MBNL2: variants seen among roughly 807,000 people sequenced by gnomAD.
The protein encoded by MBNL2 is muscleblind-like protein 2.
MBNL2 carries 17 observed loss-of-function variants against 41.9 expected under a neutral mutation model. The observed-to-expected ratio is 0.41, with a 90% CI of 0.28 to 0.61. MBNL2 has a LOEUF of 0.61. Among genes scored for constraint, MBNL2 ranks in the 20% least tolerant of loss-of-function variants. MBNL2 has a pLI of 0.35. For synonymous variants in MBNL2, 195 were observed against 182.9 expected, an observed-to-expected ratio of 1.07 and a Z score of -0.53; for missense variants, 336 against 505.6, an observed-to-expected ratio of 0.66 and a Z score of 3.22.
At chr13:97,230,212 C>G (rs1192121245) in intron 1 of MBNL2, among the ~76,000 whole-genome samples, 1 of 152,176 alleles carries the variant, frequency 6.6e-6, no homozygotes. Context: ...TCAAGGTAAT[C>G]CCTTGAACCC....
intron 2 of MBNL2, among the ~76,000 whole-genome samples, chr13:97,329,560 T>C (rs17235649): frequency 0.48 from 49,381 of 103,752 alleles, 10,366 homozygotes; most frequent in African/African-American, 0.67. Flanking sequence ...TGCCCCTAGA[T>C]GGGACATTCT....
intron 2 of MBNL2, among the ~76,000 whole-genome samples, chr13:97,314,490 G>C (rs1426968636): frequency 6.6e-6 from 1 of 152,126 alleles, no homozygotes; most frequent in East Asian, 1.9e-4. Flanking sequence ...AGGGACTTTT[G>C]CCTGTTGTGC....
At chr13:97,387,930 C>T (rs1416515009) in intron 8 of MBNL2, among the ~76,000 whole-genome samples, 2 of 152,122 alleles carry the variant, frequency 1.3e-5, no homozygotes, top group East Asian at 1.9e-4. Context: ...CTCTGACTTA[C>T]GCATACCCTG....
the MBNL2 span, among the ~76,000 whole-genome samples, chr13:97,191,367 T>C: frequency 6.7e-6 from 1 of 149,722 alleles, no homozygotes; most frequent in African/African-American, 2.5e-5. Context: ...AGATGAACTC[T>C]GGCCTTGAGG....
chr13:97,366,093 C>T lies in MBNL2; in HGVS notation c.1048+922C>T, dbSNP rs1047054479. Among the ~76,000 whole-genome samples the T allele has an allele frequency of 6.6e-6, 1 of 152,208 alleles. No individual in the cohort carries two copies. Among genetic ancestry groups the T allele is most frequent in the Non-Finnish European group, 1.5e-5 (1 of 68,036 alleles). On this transcript the variant is annotated intron_variant, in intron 8 of 8. Transcript: ENST00000679496. The surrounding 1 kb of genome is among the most constrained non-coding windows in gnomAD (Gnocchi z 4.7). The stretch of plus-strand genomic sequence containing the variant: ...GTGATGATCACATATTCTTACTTCA[C>T]TGGACATCACCTTTCACAATTTTAG...
intron 2 of MBNL2, among the ~76,000 whole-genome samples, chr13:97,276,645 A>G (rs557061064): frequency 6.6e-6 from 1 of 152,320 alleles, no homozygotes; most frequent in East Asian, 1.9e-4. Context: ...CTGGCATGAC[A>G]TTCATGTACC....
the MBNL2 span, among the ~76,000 whole-genome samples, chr13:97,175,870 C>A: frequency 1.3e-5 from 2 of 152,146 alleles, no homozygotes; most frequent in Non-Finnish European, 2.9e-5. Flanking sequence ...AATGCATAGC[C>A]AAAGCAGGCT....
At chr13:97,164,723 T>C in the MBNL2 span, among the ~76,000 whole-genome samples, 1 of 152,178 alleles carries the variant, frequency 6.6e-6, no homozygotes, top group Non-Finnish European at 1.5e-5. Context: ...GGTGATTGAT[T>C]TTCTCTGTTT....
At chr13:97,257,096 A>G (rs1240339776) in intron 1 of MBNL2, among the ~76,000 whole-genome samples, 1 of 152,006 alleles carries the variant, frequency 6.6e-6, no homozygotes, top group Non-Finnish European at 1.5e-5. Context: ...TGCAGAGAGC[A>G]TGAATAGGTA....
chr13:97,312,138 A>G (rs1397351630), intron 2 of MBNL2, among the ~76,000 whole-genome samples: 1 of 152,234 alleles, frequency 6.6e-6, no homozygotes, highest in South Asian at 2.1e-4. Flanking sequence ...ACAGATTCAT[A>G]TAAGAAAAGT....
chr13:97,237,450 C>G (rs1161775221), intron 1 of MBNL2, among the ~76,000 whole-genome samples: 1 of 152,138 alleles, frequency 6.6e-6, no homozygotes, highest in East Asian at 1.9e-4. Context: ...TTTCCTTTCC[C>G]CTCATGGAAT....
At chr13:97,278,797 A>C (rs919029149) in intron 2 of MBNL2, among the ~76,000 whole-genome samples, 1 of 152,210 alleles carries the variant, frequency 6.6e-6, no homozygotes, top group Non-Finnish European at 1.5e-5. Flanking sequence ...CAGGTTATTT[A>C]ATTTGAGTGC....
the MBNL2 span, among the ~76,000 whole-genome samples, chr13:97,182,911 T>A: frequency 2.0e-5 from 3 of 152,194 alleles, no homozygotes; most frequent in African/African-American, 7.2e-5. Context: ...GAATAAATGC[T>A]CATTATGAGT....
At chr13:97,379,931 A>G (rs1348349834) in intron 8 of MBNL2, among the ~76,000 whole-genome samples, 1 of 152,228 alleles carries the variant, frequency 6.6e-6, no homozygotes, top group Admixed American at 6.5e-5. Flanking sequence ...TTTAAAAAAT[A>G]GACAAAAGAT....
At chr13:97,350,765 C>A (rs2062373367) in intron 5 of MBNL2, among the ~76,000 whole-genome samples, 1 of 152,228 alleles carries the variant, frequency 6.6e-6, no homozygotes, top group Admixed American at 6.5e-5. Context: ...AATTCTAGTT[C>A]TCTTGCTATT....
chr13:97,164,246 G>A, the MBNL2 span, among the ~76,000 whole-genome samples: 7 of 152,334 alleles, frequency 4.6e-5, no homozygotes, highest in Admixed American at 1.3e-4. Flanking sequence ...GGACTCAAGC[G>A]ATCCACTCTC....
chr13:97,358,376 G>A (rs2063151400), intron 7 of MBNL2, among the ~76,000 whole-genome samples: 3 of 151,994 alleles, frequency 2.0e-5, no homozygotes. Flanking sequence ...AAAGAACTGA[G>A]TTTCCCTGTG....
At chr13:97,184,644 G>C in the MBNL2 span, among the ~76,000 whole-genome samples, 1 of 152,130 alleles carries the variant, frequency 6.6e-6, no homozygotes, top group East Asian at 1.9e-4. Context: ...CACCACAGCT[G>C]GCTAATTTTT....
the MBNL2 span, among the ~76,000 whole-genome samples, chr13:97,161,696 C>T: frequency 6.6e-6 from 1 of 152,106 alleles, no homozygotes; most frequent in Non-Finnish European, 1.5e-5. Flanking sequence ...ATTATATCAT[C>T]ACACTGATAG....
Sources: gnomAD v4.1 joint callset for allele counts (sites outside exome capture counted in the v4.1 genomes callset) on GRCh38, gnomAD v4.1.1 for gene constraint, Gnocchi (gnomAD v3.1) non-coding constraint, MANE v1.5 for transcripts, NCBI Gene and HGNC (gene_info 2026-07-23, HGNC 2026-07-21) for gene names.